KLF12: variants seen among roughly 807,000 people sequenced by gnomAD.
KLF12 encodes the protein KLF transcription factor 12.
KLF12 carries 9 observed loss-of-function variants against 37.8 expected under a neutral mutation model. The observed-to-expected ratio is 0.24, with a 90% CI of 0.14 to 0.42. The LOEUF is 0.42. Ranked by LOEUF, KLF12 falls within the 10% of genes least tolerant of loss-of-function variation. The pLI is 1.00. For missense variants in KLF12, 411 were observed against 516.0 expected (o/e 0.80, Z 1.97); for synonymous variants, 208 against 202.1 (o/e 1.03, Z -0.25).
At chr13:73,854,609 G>A (rs1260928376) in intron 3 of KLF12, among the ~76,000 whole-genome samples, 1 of 152,144 alleles carries the variant, frequency 6.6e-6, no homozygotes, top group Non-Finnish European at 1.5e-5. Flanking sequence ...TCCTTTGGTA[G>A]TATCCATGGG....
chr13:73,967,538 TAGA>T (rs1397402855), intron 2 of KLF12, among the ~76,000 whole-genome samples: 3 of 152,196 alleles, frequency 2.0e-5, no homozygotes, highest in Non-Finnish European at 4.4e-5. Context: ...GCATCTGATA[TAGA>T]TAACCCCATA....
At chr13:73,722,518 C>T (rs1383972062) in intron 6 of KLF12, among the ~76,000 whole-genome samples, 2 of 152,144 alleles carry the variant, frequency 1.3e-5, no homozygotes, top group African/African-American at 4.8e-5. Context: ...CAGCTACATT[C>T]GGAGGTGGAG....
chr13:73,893,369 C>CTTTT (rs71115621), intron 3 of KLF12, among the ~76,000 whole-genome samples: 33 of 50,588 alleles, frequency 6.5e-4, no homozygotes, highest in African/African-American at 1.8e-3. Context: ...ACAATATTGA[C>CTTTT]TTTTTTTTTT....
At chr13:74,138,336 T>C (rs878985347), upstream of KLF12, among the ~76,000 whole-genome samples, 1 of 152,236 alleles carries the variant, frequency 6.6e-6, no homozygotes, top group African/African-American at 2.4e-5. Flanking sequence ...TTGATTTTTT[T>C]CCTAAGGCCG....
chr13:73,922,907 G>T (rs929018227), intron 3 of KLF12, among the ~76,000 whole-genome samples: 5 of 152,116 alleles, frequency 3.3e-5, no homozygotes, highest in African/African-American at 1.2e-4. Flanking sequence ...CCTCTGTAGG[G>T]TGGCTTTATG....
intron 1 of KLF12, among the ~76,000 whole-genome samples, chr13:74,126,464 A>C (rs1268537944): frequency 2.0e-5 from 3 of 151,960 alleles, no homozygotes; most frequent in Non-Finnish European, 4.4e-5. Flanking sequence ...TTTTTTTCAC[A>C]ATTTTTTTCA....
chr13:74,256,688 T>TTGTGTGTGTG, the KLF12 span, among the ~76,000 whole-genome samples: 58,222 of 147,774 alleles, frequency 0.39, 13,677 homozygotes, highest in South Asian at 0.53. Context: ...TGAGTAGAGC[T>TTGTGTGTGTG]TGTGTGTGTG....
chr13:73,782,678 C>A (rs942003905), intron 5 of KLF12, among the ~76,000 whole-genome samples: 1 of 152,136 alleles, frequency 6.6e-6, no homozygotes, highest in African/African-American at 2.4e-5. Context: ...AATGTTGAAC[C>A]GACCATACTA....
chr13:74,081,091 A>C (rs1414272439), intron 1 of KLF12, among the ~76,000 whole-genome samples: 1 of 152,244 alleles, frequency 6.6e-6, no homozygotes, highest in Admixed American at 6.5e-5. Context: ...TGGTCCAGAG[A>C]GTTCTAGAAA....
chr13:73,988,638 G>C (rs1489450401), intron 2 of KLF12, among the ~76,000 whole-genome samples: 3 of 152,088 alleles, frequency 2.0e-5, no homozygotes, highest in Non-Finnish European at 4.4e-5. Context: ...ACACAGAGTA[G>C]AACAATTTGG....
intron 3 of KLF12, among the ~76,000 whole-genome samples, chr13:73,939,869 A>T (rs1024664683): frequency 3.3e-5 from 5 of 152,182 alleles, no homozygotes; most frequent in African/African-American, 1.2e-4. Context: ...CACTGCAGTA[A>T]GACTCATAAA....
chr13:73,948,121 T>C (rs1190269695), intron 2 of KLF12, among the ~76,000 whole-genome samples: 1 of 152,200 alleles, frequency 6.6e-6, no homozygotes, highest in Non-Finnish European at 1.5e-5. Flanking sequence ...AATAAGAATA[T>C]GTCGCCCCTG....
chr13:73,746,180 T>C (rs765643498), intron 6 of KLF12, among the ~76,000 whole-genome samples: 93 of 152,156 alleles, frequency 6.1e-4, no homozygotes, highest in Non-Finnish European at 1.2e-3. Context: ...CTTCATGTGA[T>C]AAAACACACT....
intron 2 of KLF12, among the ~76,000 whole-genome samples, chr13:73,981,209 T>C (rs184166883): frequency 9.2e-5 from 14 of 152,212 alleles, no homozygotes; most frequent in South Asian, 4.1e-4. Flanking sequence ...GGGAAAACAA[T>C]TGGACATTAT....
intron 1 of KLF12, among the ~76,000 whole-genome samples, chr13:74,052,882 T>C (rs1873013535): frequency 6.6e-6 from 1 of 152,144 alleles, no homozygotes; most frequent in African/African-American, 2.4e-5. Context: ...ACTCCCTGGC[T>C]AGTAGGGTTT....
chr13:74,028,411 GAATA>G (rs1694157342), intron 1 of KLF12, among the ~76,000 whole-genome samples: 2 of 152,126 alleles, frequency 1.3e-5, no homozygotes, highest in South Asian at 2.1e-4. Flanking sequence ...TGCGTATGCA[GAATA>G]ATTAGTAAAG....
intron 5 of KLF12, among the ~76,000 whole-genome samples, chr13:73,805,801 TAA>T (rs1043023053): frequency 4.3e-4 from 66 of 152,162 alleles, no homozygotes; most frequent in African/African-American, 1.5e-3. Flanking sequence ...AGCTGAGGCA[TAA>T]AGTTTTTTTT....
At chr13:74,146,439 AAGAC>A in the KLF12 span, among the ~76,000 whole-genome samples, 1 of 152,212 alleles carries the variant, frequency 6.6e-6, no homozygotes, top group Non-Finnish European at 1.5e-5. Context: ...TTTCTGCAGT[AAGAC>A]AGTACAAAGC....
At chr13:73,757,595 T>C (rs1484999331) in intron 6 of KLF12, among the ~76,000 whole-genome samples, 10 of 152,278 alleles carry the variant, frequency 6.6e-5, no homozygotes, top group East Asian at 3.9e-4. Context: ...AAAGATGACA[T>C]TGCAAATGTG....
Sources: gnomAD v4.1 joint callset for allele counts (sites outside exome capture counted in the v4.1 genomes callset) on GRCh38, gnomAD v4.1.1 for gene constraint, MANE v1.5 for transcripts, NCBI Gene and HGNC (gene_info 2026-07-23, HGNC 2026-07-21) for gene names.